The following FAM53A variants were observed in gnomAD, a reference collection of about 807,000 sequenced individuals.
FAM53A encodes protein FAM53A.
A neutral mutation model predicts 26.6 loss-of-function variants in FAM53A; 28 were observed. The ratio of observed to expected loss-of-function variants is 1.05; its 90% CI spans 0.78 to 1.45. The LOEUF (loss-of-function observed/expected upper bound fraction) is 1.45, where lower values mean the gene tolerates loss of function less well. Ranked by LOEUF, FAM53A falls within the 40% of genes most tolerant of loss-of-function variation. FAM53A has a pLI of 0.00. For synonymous variants in FAM53A, 290 were observed against 253.1 expected, an observed-to-expected ratio of 1.15 and a Z score of -1.38; for missense variants, 650 against 575.8, an observed-to-expected ratio of 1.13 and a Z score of -1.32.
intron 4 of FAM53A, among the ~76,000 whole-genome samples, chr4:1,645,432 G>A (rs116114389): frequency 0.011 from 1,681 of 152,350 alleles, 27 homozygotes; most frequent in African/African-American, 0.038. Context: ...GGAGCTGGCC[G>A]ACGGCACATG....
At chr4:1,652,406 GAC>G (rs1455087513) in intron 4 of FAM53A, among the ~76,000 whole-genome samples, 20 of 76,738 alleles carry the variant, frequency 2.6e-4, no homozygotes, top group African/African-American at 7.1e-4. Flanking sequence ...ACACACACCA[GAC>G]ACACACACGC....
At chr4:1,666,619 G>A (rs2108987975) in intron 2 of FAM53A, among the ~76,000 whole-genome samples, 1 of 152,378 alleles carries the variant, frequency 6.6e-6, no homozygotes, top group South Asian at 2.1e-4. Context: ...TGTCCTCAGA[G>A]GCACACAGCC....
downstream of FAM53A, among the ~76,000 whole-genome samples, chr4:1,638,913 A>AT (rs1715970425): frequency 6.6e-6 from 1 of 152,230 alleles, no homozygotes; most frequent in African/African-American, 2.4e-5. Flanking sequence ...CTGGGTCACC[A>AT]TCCAGCGGGA....
At chr4:1,597,019 C>T in the FAM53A span, among the ~76,000 whole-genome samples, 9 of 152,302 alleles carry the variant, frequency 5.9e-5, no homozygotes, top group East Asian at 1.9e-4. Flanking sequence ...CCTACTTCAA[C>T]GTCCAGGCCA....
At chr4:1,644,820 C>T (rs1712090333) in intron 4 of FAM53A, 1 of 155,326 alleles carries the variant, frequency 6.4e-6, no homozygotes, top group Non-Finnish European at 1.4e-5. Flanking sequence ...TGGGTTAACT[C>T]AGCTACCGGA....
chr4:1,576,469 G>C, the FAM53A span, among the ~76,000 whole-genome samples: 14 of 152,186 alleles, frequency 9.2e-5, no homozygotes, highest in Non-Finnish European at 1.9e-4. Context: ...CCAATTTACG[G>C]GGCCGCGCTT....
intron 4 of FAM53A, among the ~76,000 whole-genome samples, chr4:1,654,183 G>T (rs946772582): frequency 6.6e-6 from 1 of 152,186 alleles, no homozygotes; most frequent in African/African-American, 2.4e-5. Flanking sequence ...TTCTGCCACT[G>T]CCCAAAGCTT....
At chr4:1,627,427 A>G (rs1428240337) in intron 1 of FAM53A, among the ~76,000 whole-genome samples, 2 of 152,220 alleles carry the variant, frequency 1.3e-5, no homozygotes, top group Non-Finnish European at 2.9e-5. Context: ...AGTCACTTGT[A>G]TAACCACGGG....
chr4:1,644,183 A>G, intron 4 of FAM53A: 1 of 1,535,706 alleles, frequency 6.5e-7, no homozygotes, highest in Non-Finnish European at 8.7e-7. Context: ...CGGGGACGCT[A>G]CGCACCTTCA....
the FAM53A span, among the ~76,000 whole-genome samples, chr4:1,600,326 C>T: frequency 6.6e-6 from 1 of 152,268 alleles, no homozygotes; most frequent in South Asian, 2.1e-4. Flanking sequence ...CCTCAGGGTG[C>T]CCCTCAAGTC....
At chr4:1,635,200 T>C (rs1300155191), downstream of FAM53A, among the ~76,000 whole-genome samples, 1 of 152,172 alleles carries the variant, frequency 6.6e-6, no homozygotes, top group Non-Finnish European at 1.5e-5. Flanking sequence ...CTTTTGCCAG[T>C]TATTTGGTCT....
At position 1,674,668 on chromosome 4, in the gene FAM53A, C is replaced by CA. The variant is rs34285756; in HGVS notation, c.-164-5764dup. Among the ~76,000 whole-genome samples the CA allele has an allele frequency of 3.8e-3, 545 of 143,652 alleles. 3 individuals are homozygous for CA. The highest frequency in any genetic ancestry group is 5.4e-3 in the Non-Finnish European group (352 of 65,260). 94.2% of individuals were successfully genotyped at this position (143,652 alleles called of 152,430 possible). A position where few individuals can be genotyped will look rare whatever the true frequency, so the allele number is the denominator to read the frequency against. On this transcript the variant is annotated intron_variant, in intron 1 of 4. Transcript: ENST00000308132. The stretch of plus-strand genomic sequence containing the variant: ...TGGGCAACAGAGTGAGACTCTGTCT[C>CA]AAAAAAAAAAAAAAATTACAATAGC...
At chr4:1,585,587 T>C in the FAM53A span, among the ~76,000 whole-genome samples, 1 of 152,036 alleles carries the variant, frequency 6.6e-6, no homozygotes, top group African/African-American at 2.4e-5. Flanking sequence ...CCCGGCCCAA[T>C]GTCTCTACCC....
At chr4:1,678,209 C>T (rs1488977696) in intron 1 of FAM53A, among the ~76,000 whole-genome samples, 1 of 151,998 alleles carries the variant, frequency 6.6e-6, no homozygotes, top group Non-Finnish European at 1.5e-5. Context: ...TTTAAAATTA[C>T]CTGCGTGACT....
At chr4:1,639,017 C>T (rs1715977259), downstream of FAM53A, among the ~76,000 whole-genome samples, 4 of 152,188 alleles carry the variant, frequency 2.6e-5, no homozygotes, top group Non-Finnish European at 1.5e-5. Flanking sequence ...GTGGGGACCT[C>T]GGGCCCCTCT....
chr4:1,578,666 C>G, the FAM53A span, among the ~76,000 whole-genome samples: 1 of 149,524 alleles, frequency 6.7e-6, no homozygotes, highest in African/African-American at 2.5e-5. Flanking sequence ...CCCCCTACCC[C>G]GAACCGCCCT....
chr4:1,663,862 A>AATCAACTT (rs1410405291), intron 2 of FAM53A, among the ~76,000 whole-genome samples: 1 of 152,078 alleles, frequency 6.6e-6, no homozygotes, highest in African/African-American at 2.4e-5. Context: ...AAAAAAGCTA[A>AATCAACTT]ATCAACTTTA....
At chr4:1,610,880 T>C in the FAM53A span, among the ~76,000 whole-genome samples, 1 of 152,152 alleles carries the variant, frequency 6.6e-6, no homozygotes, top group Non-Finnish European at 1.5e-5. Flanking sequence ...GCTGCCCTCT[T>C]TCTGCCCCCG....
chr4:1,624,917 GGCCC>G (rs1715213943), intron 1 of FAM53A, among the ~76,000 whole-genome samples: 5 of 141,944 alleles, frequency 3.5e-5, no homozygotes, highest in Non-Finnish European at 6.1e-5. Flanking sequence ...CCCACGTCCC[GGCCC>G]ACGTGGTCAG....
Sources: allele counts gnomAD v4.1 joint callset (sites outside exome capture counted in the v4.1 genomes callset), GRCh38; gene constraint gnomAD v4.1.1; transcripts MANE v1.5; gene names NCBI Gene and HGNC (gene_info 2026-07-23, HGNC 2026-07-21).